SLC4A4: variants seen among roughly 807,000 people sequenced by gnomAD.
SLC4A4 encodes the protein solute carrier family 4 member 4, also known as electrogenic sodium bicarbonate cotransporter 1.
Under a neutral mutation model 111.5 loss-of-function variants are expected in SLC4A4, and 27 were observed. The ratio of observed to expected loss-of-function variants is 0.24; its 90% CI spans 0.18 to 0.33. The LOEUF is 0.33. Ranked by LOEUF, SLC4A4 falls within the 10% of genes least tolerant of loss-of-function variation. The pLI, the probability that SLC4A4 is intolerant of heterozygous loss-of-function variation, is 1.00. For missense variants in SLC4A4, 909 were observed against 1,315.5 expected (o/e 0.69, Z 4.78); for synonymous variants, 443 against 463.4 (o/e 0.96, Z 0.57).
At chr4:71,452,119 G>T (rs182250359) in intron 11 of SLC4A4, among the ~76,000 whole-genome samples, 1 of 151,910 alleles carries the variant, frequency 6.6e-6, no homozygotes, top group Non-Finnish European at 1.5e-5. Flanking sequence ...AACATGAAAA[G>T]GTATGTCATT....
chr4:71,487,495 T>C (rs1311639017), intron 15 of SLC4A4, among the ~76,000 whole-genome samples: 2 of 151,582 alleles, frequency 1.3e-5, no homozygotes, highest in African/African-American at 2.4e-5. Context: ...CATGATATCC[T>C]TTCCCATGGC....
intron 1 of SLC4A4, among the ~76,000 whole-genome samples, chr4:71,070,934 A>G (rs1166564463): frequency 6.6e-6 from 1 of 152,052 alleles, no homozygotes; most frequent in Non-Finnish European, 1.5e-5. Flanking sequence ...ATTTCTCAGT[A>G]AGTTTCAGAA....
intron 1 of SLC4A4, among the ~76,000 whole-genome samples, chr4:71,189,372 C>G (rs1484279760): frequency 6.6e-6 from 1 of 152,100 alleles, no homozygotes; most frequent in East Asian, 1.9e-4. Flanking sequence ...AATGTTAGTA[C>G]TATGATTTCA....
At chr4:71,336,216 A>C (rs1374708059) in intron 3 of SLC4A4, among the ~76,000 whole-genome samples, 1 of 152,238 alleles carries the variant, frequency 6.6e-6, no homozygotes, top group East Asian at 1.9e-4. Flanking sequence ...TATAACACTG[A>C]AAGTGTACCT....
At chr4:71,344,600 A>G (rs1729169485) in intron 4 of SLC4A4, among the ~76,000 whole-genome samples, 1 of 152,198 alleles carries the variant, frequency 6.6e-6, no homozygotes, top group Non-Finnish European at 1.5e-5. Flanking sequence ...TTTATTTCAT[A>G]GAGAGCTAAC....
chr4:71,384,029 A>C (rs1001784675), intron 6 of SLC4A4, among the ~76,000 whole-genome samples: 10 of 152,342 alleles, frequency 6.6e-5, no homozygotes, highest in African/African-American at 2.2e-4. Context: ...ATTTAGGAGT[A>C]GCACAGTATC....
chr4:71,132,180 G>T (rs542166071), intron 2 of SLC4A4, among the ~76,000 whole-genome samples: 156 of 152,086 alleles, frequency 1.0e-3, no homozygotes, highest in African/African-American at 3.7e-3. Flanking sequence ...AATCACTAGT[G>T]TTTTTTCCTT....
intron 6 of SLC4A4, among the ~76,000 whole-genome samples, chr4:71,382,343 CA>C (rs1718232584): frequency 6.6e-6 from 1 of 152,112 alleles, no homozygotes; most frequent in Non-Finnish European, 1.5e-5. Flanking sequence ...ATGAGGACTG[CA>C]GGGACCAATG....
chr4:71,397,002 A>T (rs1719876150), intron 6 of SLC4A4, among the ~76,000 whole-genome samples: 1 of 152,210 alleles, frequency 6.6e-6, no homozygotes, highest in Non-Finnish European at 1.5e-5. Context: ...AAGAGTGAGG[A>T]TTCTACATCA....
chr4:71,072,683 A>T (rs1270304313), intron 1 of SLC4A4, among the ~76,000 whole-genome samples: 2 of 152,076 alleles, frequency 1.3e-5, no homozygotes, highest in Admixed American at 6.6e-5. Flanking sequence ...TGCTGTCTTC[A>T]TGATGTTGAA....
At chr4:71,066,303 G>A (rs573942315) in intron 1 of SLC4A4, among the ~76,000 whole-genome samples, 2 of 151,990 alleles carry the variant, frequency 1.3e-5, no homozygotes, top group Admixed American at 6.6e-5. Flanking sequence ...ATTTGTATAC[G>A]CTACTACAGG....
At chr4:71,528,224 C>A (rs1404469316) in intron 16 of SLC4A4, among the ~76,000 whole-genome samples, 1 of 152,024 alleles carries the variant, frequency 6.6e-6, no homozygotes, top group African/African-American at 2.4e-5. Context: ...TACTCTCTGT[C>A]CATGTAATAT....
At chr4:71,327,169 C>CT (rs1411593413) in intron 3 of SLC4A4, among the ~76,000 whole-genome samples, 3 of 151,916 alleles carry the variant, frequency 2.0e-5, no homozygotes, top group Non-Finnish European at 2.9e-5. Flanking sequence ...CAGTGGGATG[C>CT]TTCCTATACC....
rs372187768 is a variant in SLC4A4, at chr4:71,354,294, G to A, written c.551-2714G>A. Among the ~76,000 whole-genome samples, 8 of 152,296 alleles carry A rather than the reference G, an allele frequency of 5.3e-5. No individual in the cohort carries two copies. In the South Asian group the frequency reaches 1.7e-3, roughly 32 times the overall value. On this transcript the variant is annotated intron_variant, in intron 5 of 25. Transcript: ENST00000264485. ...TTTTTATATTTAAAGGCATTCCTGA[G>A]CTGTGCATGTTGGCAGATGTATTGG...
At chr4:71,093,777 T>C (rs1433960161) in intron 2 of SLC4A4, among the ~76,000 whole-genome samples, 2 of 152,244 alleles carry the variant, frequency 1.3e-5, no homozygotes, top group Admixed American at 1.3e-4. Context: ...CCTACCTATT[T>C]GTTGGTCTTA....
rs1741528173 is a variant in SLC4A4 at position 71,066,815 on chromosome 4, C to T, written c.-65+4027C>T. Among the ~76,000 whole-genome samples the T allele has an allele frequency of 2.6e-5, 4 of 152,284 alleles. No homozygotes were observed. The South Asian group carries it at 8.3e-4, about 32-fold the overall frequency. On this transcript the variant is annotated intron_variant, in intron 1 of 26. Transcript: ENST00000649996. ...GTGAATTTCAGGCAGTTCCTTCCTA[C>T]CAGTGGCACTCCTTGTTGCAGTTTG...
intron 2 of SLC4A4, among the ~76,000 whole-genome samples, chr4:71,114,082 G>C (rs1262412521): frequency 6.6e-6 from 1 of 151,930 alleles, no homozygotes; most frequent in Non-Finnish European, 1.5e-5. Flanking sequence ...CCCGTCTCTA[G>C]TAAACATACA....
chr4:71,474,992 C>T (rs546496041), intron 14 of SLC4A4, among the ~76,000 whole-genome samples: 2 of 151,886 alleles, frequency 1.3e-5, no homozygotes, highest in East Asian at 3.9e-4. Context: ...CCCCTTCAGT[C>T]AGTGCTTCAG....
rs187043585 is a variant in SLC4A4, at chr4:71,113,883, A to T, written c.-2+21091A>T. Among the ~76,000 whole-genome samples, 1,098 of 152,282 alleles carry T rather than the reference A, an allele frequency of 7.2e-3. 9 individuals are homozygous for T. Among genetic ancestry groups the T allele is most frequent in the South Asian group, 0.011 (54 of 4,828 alleles). The stretch of plus-strand genomic sequence containing the variant: ...GCCATTTTTCCTGTTCCTTTATGGG[A>T]GATATCTTTCTATAAACAAAGTAAT... On this transcript the variant is annotated intron_variant, in intron 2 of 26. Transcript: ENST00000649996.
Sources: allele counts gnomAD v4.1 joint callset (sites outside exome capture counted in the v4.1 genomes callset), GRCh38; gene constraint gnomAD v4.1.1; transcripts MANE v1.5; gene names NCBI Gene and HGNC (gene_info 2026-07-23, HGNC 2026-07-21).